The following ERC1 variants were observed in gnomAD, a reference collection of about 807,000 sequenced individuals.
ERC1 encodes the protein RAB6 interacting protein 2.
ERC1 carries 56 observed loss-of-function variants against 132.0 expected under a neutral mutation model. That is an observed-to-expected ratio of 0.42 (90% CI 0.34 to 0.53). ERC1 has a LOEUF of 0.53. ERC1 is among the 20% of genes least tolerant of loss of function. The pLI is 0.03. For synonymous variants in ERC1, 478 were observed against 476.1 expected (o/e 1.00, Z -0.05); for missense variants, 1,202 against 1,349.9 (o/e 0.89, Z 1.72).
intron 1 of ERC1, among the ~76,000 whole-genome samples, chr12:999,254 G>A (rs1359326828): frequency 6.6e-6 from 1 of 152,102 alleles, no homozygotes; most frequent in Non-Finnish European, 1.5e-5. Flanking sequence ...TTTCATCTGT[G>A]TGCTGAGTAT....
chr12:1,478,406 A>G (rs2094016055), intron 18 of ERC1, among the ~76,000 whole-genome samples: 1 of 152,176 alleles, frequency 6.6e-6, no homozygotes, highest in Non-Finnish European at 1.5e-5. Flanking sequence ...TTACTGCTTT[A>G]TAGGAGTTCT....
At chr12:1,291,566 G>A (rs576397083) in intron 15 of ERC1, among the ~76,000 whole-genome samples, 49 of 152,296 alleles carry the variant, frequency 3.2e-4, no homozygotes, top group South Asian at 6.2e-4. Flanking sequence ...TGAAACATGC[G>A]TATGTGTGAC....
chr12:1,179,993 T>C (rs1230209704), intron 8 of ERC1, among the ~76,000 whole-genome samples: 2 of 152,252 alleles, frequency 1.3e-5, no homozygotes, highest in Non-Finnish European at 2.9e-5. Context: ...AGAAAATGTT[T>C]GCTGCTTAGA....
intron 15 of ERC1, among the ~76,000 whole-genome samples, chr12:1,347,126 A>G (rs2084552306): frequency 6.6e-6 from 1 of 152,200 alleles, no homozygotes; most frequent in South Asian, 2.1e-4. Flanking sequence ...CAATTTTCAC[A>G]TGGACCTTCG....
chr12:1,430,380 G>GTAA, intron 17 of ERC1: 1 of 151,420 alleles, frequency 6.6e-6, no homozygotes, highest in South Asian at 2.1e-4. Flanking sequence ...TAATTTTCAG[G>GTAA]CTTTTTTTTT....
At chr12:1,048,614 TTC>T (rs1443241539) in intron 2 of ERC1, among the ~76,000 whole-genome samples, 11 of 152,238 alleles carry the variant, frequency 7.2e-5, no homozygotes, top group Admixed American at 6.5e-4. Context: ...TAAACATTAT[TTC>T]TCTGTCACAT....
intron 15 of ERC1, among the ~76,000 whole-genome samples, chr12:1,310,570 A>G (rs574942583): frequency 6.6e-6 from 1 of 152,356 alleles, no homozygotes; most frequent in Admixed American, 6.5e-5. Context: ...ATGAATAATC[A>G]GAGGCTAAAA....
chr12:1,148,648 C>G (rs1352750030), intron 8 of ERC1, among the ~76,000 whole-genome samples: 2 of 152,228 alleles, frequency 1.3e-5, no homozygotes, highest in Admixed American at 6.5e-5. Flanking sequence ...GTTACCCAGG[C>G]CGGAGTGCAG....
intron 16 of ERC1, among the ~76,000 whole-genome samples, chr12:1,405,770 G>A (rs191380897): frequency 3.7e-4 from 56 of 151,240 alleles, no homozygotes; most frequent in Non-Finnish European, 7.4e-4. Flanking sequence ...TAGATTTTGG[G>A]CTGGTCACCG....
intron 13 of ERC1, among the ~76,000 whole-genome samples, chr12:1,260,371 A>G (rs184021430): frequency 1.3e-4 from 20 of 152,286 alleles, no homozygotes; most frequent in Admixed American, 9.8e-4. Context: ...TCTTTCCTCT[A>G]GTGTTCTAAA....
At chr12:1,306,489 C>T (rs928912270) in intron 15 of ERC1, among the ~76,000 whole-genome samples, 21 of 152,140 alleles carry the variant, frequency 1.4e-4, no homozygotes, top group African/African-American at 5.1e-4. Context: ...GAAAACATTT[C>T]TTTTTATTTC....
intron 8 of ERC1, among the ~76,000 whole-genome samples, chr12:1,171,697 G>A (rs1953084490): frequency 6.6e-6 from 1 of 152,136 alleles, no homozygotes; most frequent in African/African-American, 2.4e-5. Flanking sequence ...TCCCTTAAAT[G>A]ATATTTAAAG....
intron 3 of ERC1, among the ~76,000 whole-genome samples, chr12:1,100,161 T>C (rs1944506449): frequency 6.6e-6 from 1 of 152,008 alleles, no homozygotes; most frequent in African/African-American, 2.4e-5. Context: ...ACTTTGACTT[T>C]TGAACAGACT....
Position 1,492,386 on chromosome 12 carries a change from A to G in ERC1, c.*2156A>G, listed in dbSNP as rs1183077905. ...ACGTAAAGAACTGCGGTGTGATAAC[A>G]GCCTTCACGGGGCCACGGTGGAACC... is the stretch of plus-strand genomic sequence containing the variant. On this transcript the variant is annotated 3_prime_UTR_variant, in exon 19 of 19. Coordinates refer to ENST00000360905, the MANE Select transcript of ERC1 (RefSeq NM_178040.4). 1 of 233,238 alleles carries G rather than the reference A, an allele frequency of 4.3e-6. No individual in the cohort carries two copies. The highest frequency in any genetic ancestry group is 5.6e-5 in the Admixed American group (1 of 17,808). 14.4% of individuals were successfully genotyped at this position (233,238 alleles called of 1,614,324 possible). A position where few individuals can be genotyped will look rare whatever the true frequency, so the allele number is the denominator to read the frequency against.
At chr12:1,411,918 A>G (rs1042462411) in intron 17 of ERC1, among the ~76,000 whole-genome samples, 1 of 152,234 alleles carries the variant, frequency 6.6e-6, no homozygotes, top group African/African-American at 2.4e-5. Flanking sequence ...AAATCAGTAT[A>G]TAAACTTGTT....
intron 18 of ERC1, among the ~76,000 whole-genome samples, chr12:1,455,372 C>A (rs971896855): frequency 6.6e-6 from 1 of 152,192 alleles, no homozygotes; most frequent in African/African-American, 2.4e-5. Flanking sequence ...ACGCCCCAAC[C>A]CCCTTCCTGG....
intron 12 of ERC1, among the ~76,000 whole-genome samples, chr12:1,232,874 G>A (rs2075148042): frequency 6.6e-6 from 1 of 151,398 alleles, no homozygotes; most frequent in African/African-American, 2.4e-5. Context: ...TTATATAACT[G>A]TAAACCGAAT....
At chr12:1,124,023 G>A (rs900590769) in intron 7 of ERC1, among the ~76,000 whole-genome samples, 2 of 152,164 alleles carry the variant, frequency 1.3e-5, no homozygotes, top group Non-Finnish European at 2.9e-5. Flanking sequence ...GCAATGAGGT[G>A]AAACAGATAA....
intron 15 of ERC1, among the ~76,000 whole-genome samples, chr12:1,355,781 C>T (rs529875972): frequency 6.6e-6 from 1 of 152,104 alleles, no homozygotes; most frequent in Non-Finnish European, 1.5e-5. Flanking sequence ...CACCAGTGAA[C>T]CACTAAAGCT....
Sources: gnomAD v4.1 joint callset for allele counts (sites outside exome capture counted in the v4.1 genomes callset) on GRCh38, gnomAD v4.1.1 for gene constraint, MANE v1.5 for transcripts, NCBI Gene and HGNC (gene_info 2026-07-23, HGNC 2026-07-21) for gene names.